NFIA: variants seen among roughly 807,000 people sequenced by gnomAD.
NFIA encodes the protein nuclear factor I A.
NFIA carries 8 observed loss-of-function variants against 62.8 expected under a neutral mutation model. That is an observed-to-expected ratio of 0.13 (90% CI 0.07 to 0.23). The LOEUF is 0.23. NFIA is among the 10% of genes least tolerant of loss of function. NFIA has a pLI of 1.00. For missense variants in NFIA, 410 were observed against 642.1 expected (o/e 0.64, Z 3.91); for synonymous variants, 235 against 238.1 (o/e 0.99, Z 0.12).
intron 2 of NFIA, among the ~76,000 whole-genome samples, chr1:61,222,736 G>C (rs1008959913): frequency 3.3e-5 from 5 of 152,018 alleles, no homozygotes; most frequent in African/African-American, 1.2e-4. Context: ...TTTAGAGTAG[G>C]TTTTAAGACA....
intron 2 of NFIA, among the ~76,000 whole-genome samples, chr1:61,126,036 A>T (rs1646961233): frequency 6.6e-6 from 1 of 152,168 alleles, no homozygotes; most frequent in African/African-American, 2.4e-5. Context: ...TGACTTATGT[A>T]TGAGTGCAGG....
chr1:61,114,686 C>G (rs930776482), intron 2 of NFIA, among the ~76,000 whole-genome samples: 5 of 152,022 alleles, frequency 3.3e-5, no homozygotes, highest in Non-Finnish European at 5.9e-5. Flanking sequence ...AAGACCTGGA[C>G]TTTTCTTCTT....
At chr1:61,371,551 G>A (rs1222378959) in intron 6 of NFIA, among the ~76,000 whole-genome samples, 1 of 152,144 alleles carries the variant, frequency 6.6e-6, no homozygotes, top group Non-Finnish European at 1.5e-5. Flanking sequence ...GACTTTTGCA[G>A]AGATATAATT....
intron 3 of NFIA, among the ~76,000 whole-genome samples, chr1:61,284,148 C>T (rs1658334485): frequency 1.3e-5 from 2 of 152,174 alleles, no homozygotes; most frequent in Admixed American, 1.3e-4. Flanking sequence ...GCAGCAATAA[C>T]AGTTATGATC....
intron 4 of NFIA, among the ~76,000 whole-genome samples, chr1:61,334,503 G>A (rs1054373807): frequency 7.1e-6 from 1 of 140,414 alleles, no homozygotes; most frequent in Non-Finnish European, 1.5e-5. Flanking sequence ...AATAATAACC[G>A]TAATATGGGG....
At chr1:61,334,105 A>G (rs114252856) in intron 4 of NFIA, among the ~76,000 whole-genome samples, 384 of 152,302 alleles carry the variant, frequency 2.5e-3, no homozygotes, top group African/African-American at 8.8e-3. Context: ...ACTTGAAGAG[A>G]TCTATAGCAT....
intron 4 of NFIA, among the ~76,000 whole-genome samples, chr1:61,348,437 C>T (rs1400309751): frequency 6.6e-6 from 1 of 152,232 alleles, no homozygotes; most frequent in Admixed American, 6.5e-5. Flanking sequence ...TCAAGTTACT[C>T]ATCAGAAGTC....
intron 9 of NFIA, among the ~76,000 whole-genome samples, chr1:61,417,957 C>T (rs965231308): frequency 1.3e-5 from 2 of 152,062 alleles, no homozygotes; most frequent in Admixed American, 1.3e-4. Flanking sequence ...TTATACTGGA[C>T]TCTATATAGA....
Position 61,383,271 on chromosome 1 carries a change from G to T in NFIA, c.981G>T (p.Glu327Asp). 1 of 1,614,048 alleles carries T rather than the reference G, an allele frequency of 6.2e-7. No homozygotes were observed. Among genetic ancestry groups the T allele is most frequent in the South Asian group, 1.1e-5 (1 of 91,076 alleles). The change falls in exon 7 of 11, where the codon GAG becomes GAT. Residue 327 changes from glutamate to aspartate, a missense_variant. Coordinates refer to ENST00000403491, the MANE Select transcript of NFIA (RefSeq NM_001134673.4). ...CTCCAACCACACTGAAGAAGTCGGA[G>T]AAGTCTGGTTTCAGCAGCCCCTCCC... ...MPSPTTLKKS[E>D]KSGFSSPSPS... is the part of the protein sequence containing the mutation.
chr1:61,383,169 T>G lies in NFIA; in HGVS notation c.947-68T>G, dbSNP rs1020786113. On this transcript the variant is annotated intron_variant, in intron 6 of 10. Coordinates refer to ENST00000403491, the MANE Select transcript of NFIA (RefSeq NM_001134673.4). Reference sequence around the variant, plus strand: ...TTTGTTTTTAATTCTTTAAATGTTATCTTTTAGGTTGCACAAATCATTGTT... The same window carrying G: ...TTTGTTTTTAATTCTTTAAATGTTAGCTTTTAGGTTGCACAAATCATTGTT... The G allele has an allele frequency of 7.1e-6, 11 of 1,551,984 alleles. No individual in the cohort carries two copies. The Admixed American group carries it at 9.1e-5, about 13-fold the overall frequency.
intron 10 of NFIA, among the ~76,000 whole-genome samples, chr1:61,448,733 G>A (rs905034691): frequency 2.8e-4 from 42 of 152,280 alleles, no homozygotes; most frequent in African/African-American, 9.1e-4. Flanking sequence ...GAGCAAATGC[G>A]GTGGGCCGGA....
Position 61,459,802 on chromosome 1 carries a change from T to C in NFIA, c.*4482T>C, listed in dbSNP as rs1349557944. The C allele has an allele frequency of 6.6e-6, 1 of 152,130 alleles. No homozygotes were observed. Among genetic ancestry groups the C allele is most frequent in the Non-Finnish European group, 1.5e-5 (1 of 68,010 alleles). 9.4% of individuals were successfully genotyped at this position (152,130 alleles called of 1,614,324 possible). A position where few individuals can be genotyped will look rare whatever the true frequency, so the allele number is the denominator to read the frequency against. On this transcript the variant is annotated 3_prime_UTR_variant, in exon 11 of 11. Coordinates refer to ENST00000403491, the MANE Select transcript of NFIA (RefSeq NM_001134673.4). Reference sequence around the variant, plus strand: ...ACAAAACCTGGATAAGGAAAAACCTTTTTTTTCTATGAATTTTTTTTGTTT... The same window carrying C: ...ACAAAACCTGGATAAGGAAAAACCTCTTTTTTCTATGAATTTTTTTTGTTT...
chr1:61,254,689 C>T (rs1239034363), intron 2 of NFIA, among the ~76,000 whole-genome samples: 1 of 152,202 alleles, frequency 6.6e-6, no homozygotes, highest in African/African-American at 2.4e-5. Flanking sequence ...AGTACCATCT[C>T]CCAGAATTGG....
chr1:61,115,401 G>A (rs907958311), intron 2 of NFIA, among the ~76,000 whole-genome samples: 27 of 152,346 alleles, frequency 1.8e-4, no homozygotes, highest in Admixed American at 3.3e-4. Flanking sequence ...CAAAGGGGAA[G>A]AGGCAAAATG....
At chr1:61,416,764 G>A (rs1482589167) in intron 9 of NFIA, among the ~76,000 whole-genome samples, 1 of 151,914 alleles carries the variant, frequency 6.6e-6, no homozygotes, top group East Asian at 1.9e-4. Context: ...GGAATTATTA[G>A]CCCCTTTTAA....
chr1:61,368,675 A>G (rs545825129), intron 6 of NFIA, among the ~76,000 whole-genome samples: 86 of 152,360 alleles, frequency 5.6e-4, no homozygotes, highest in Non-Finnish European at 1.1e-3. Context: ...GCAGGGCACT[A>G]TACATATTTT....
intron 2 of NFIA, among the ~76,000 whole-genome samples, chr1:61,255,287 A>C (rs2100222817): frequency 6.6e-6 from 1 of 152,348 alleles, no homozygotes; most frequent in South Asian, 2.1e-4. Flanking sequence ...CTGTGTCAGC[A>C]ATACGCTCCT....
chr1:61,329,775 A>C (rs1251000430), intron 3 of NFIA, among the ~76,000 whole-genome samples: 2 of 152,192 alleles, frequency 1.3e-5, no homozygotes, highest in Non-Finnish European at 2.9e-5. Flanking sequence ...CTCCGTAGAC[A>C]TTTATTGAAT....
chr1:61,127,960 C>CG (rs781475085), intron 2 of NFIA, among the ~76,000 whole-genome samples: 55 of 152,200 alleles, frequency 3.6e-4, no homozygotes, highest in Non-Finnish European at 3.4e-4. Context: ...CCCAGTAGAC[C>CG]GGGAGCTCCT....
Sources: allele counts gnomAD v4.1 joint callset (sites outside exome capture counted in the v4.1 genomes callset), GRCh38; gene constraint gnomAD v4.1.1; transcripts MANE v1.5; gene names NCBI Gene and HGNC (gene_info 2026-07-23, HGNC 2026-07-21).